The following UXS1 variants were observed in gnomAD, a reference collection of about 807,000 sequenced individuals.
UXS1 encodes the protein UDP-glucuronic acid decarboxylase 1.
Under a neutral mutation model 62.6 loss-of-function variants are expected in UXS1, and 33 were observed. That is an observed-to-expected ratio of 0.53 (90% CI 0.40 to 0.70). The LOEUF (loss-of-function observed/expected upper bound fraction) is 0.70, where lower values mean the gene tolerates loss of function less well. Among genes scored for constraint, UXS1 ranks in the 30% least tolerant of loss-of-function variants. The pLI is 0.00. For synonymous variants in UXS1, 213 were observed against 206.8 expected, an observed-to-expected ratio of 1.03 and a Z score of -0.26; for missense variants, 434 against 556.3, an observed-to-expected ratio of 0.78 and a Z score of 2.21.
chr2:106,123,959 G>A (rs147838959), intron 8 of UXS1, among the ~76,000 whole-genome samples: 2,237 of 152,314 alleles, frequency 0.015, 30 homozygotes, highest in Admixed American at 0.023. Flanking sequence ...GGTGCAGGGA[G>A]GTAAACAGAC....
At chr2:106,097,474 C>T in intron 13 of UXS1, 1 of 341,164 alleles carries the variant, frequency 2.9e-6, no homozygotes, top group South Asian at 2.3e-5. Flanking sequence ...GCAGACTCTG[C>T]AGCGAATCAC....
chr2:106,112,209 G>A lies in UXS1; in HGVS notation c.879+437C>T, dbSNP rs1254701281. ...CCTGGGTTGAGGGTGGCCAGTGGAG[G>A]ATGGTACCGAGGGCCTGCCGGCATT... On this transcript the variant is annotated intron_variant, in intron 10 of 14. Coordinates refer to ENST00000283148, the MANE Select transcript of UXS1 (RefSeq NM_001253875.2). 2.0e-5 allele frequency among the ~76,000 whole-genome samples: 3 copies of A among 152,210 alleles called. 1 individual carries two copies. The East Asian group carries it at 5.8e-4, about 29-fold the overall frequency.
rs1400470250 is a variant in UXS1 at position 106,180,048 on chromosome 2, G to T, written c.95-13965C>A. ...CACTTGAACCCAGGAGGCAGAGATT[G>T]CAGTGAGCCGAGATCACACCACTGC... On this transcript the variant is annotated intron_variant, in intron 1 of 14. Coordinates refer to ENST00000283148, the MANE Select transcript of UXS1 (RefSeq NM_001253875.2). Among the ~76,000 whole-genome samples, 3 of 152,200 alleles carry T rather than the reference G, an allele frequency of 2.0e-5. No homozygotes were observed. In the East Asian group the frequency reaches 5.8e-4, roughly 29 times the overall value.
chr2:106,180,692 A>G (rs1180049711), intron 1 of UXS1, among the ~76,000 whole-genome samples: 4 of 152,208 alleles, frequency 2.6e-5, no homozygotes, highest in African/African-American at 9.6e-5. Flanking sequence ...CTTCATCTGA[A>G]ATACCAGAGG....
intron 7 of UXS1, among the ~76,000 whole-genome samples, chr2:106,128,469 T>C (rs1304313192): frequency 6.6e-6 from 1 of 152,126 alleles, no homozygotes; most frequent in East Asian, 1.9e-4. Flanking sequence ...ATGTGTAGAC[T>C]GCGTAGAACA....
intron 12 of UXS1, among the ~76,000 whole-genome samples, chr2:106,099,625 G>A (rs1236177823): frequency 1.3e-5 from 2 of 152,140 alleles, no homozygotes; most frequent in Admixed American, 6.5e-5. Flanking sequence ...CTGTGCAAAG[G>A]CCCTCCCCAA....
intron 6 of UXS1, chr2:106,138,939 G>C: frequency 1.1e-6 from 1 of 951,806 alleles, no homozygotes; most frequent in Non-Finnish European, 1.3e-6. Flanking sequence ...AATTCTGAAG[G>C]GGAGAGAAGA....
At chr2:106,100,764 T>TGC (rs746645607) in intron 12 of UXS1, 3 of 362,400 alleles carry the variant, frequency 8.3e-6, no homozygotes, top group Non-Finnish European at 1.5e-5. Context: ...GAGAACGAGA[T>TGC]GCACACACAC....
intron 6 of UXS1, among the ~76,000 whole-genome samples, chr2:106,134,101 C>A: frequency 7.3e-5 from 1 of 13,788 alleles, no homozygotes; most frequent in African/African-American, 2.4e-4. Flanking sequence ...CACAGAAATA[C>A]AAACTACCAT....
At chr2:106,118,804 T>C (rs938758650) in intron 9 of UXS1, among the ~76,000 whole-genome samples, 4 of 152,176 alleles carry the variant, frequency 2.6e-5, no homozygotes, top group Admixed American at 6.5e-5. Flanking sequence ...CCTACATCTA[T>C]CTTGTTTATA....
intron 10 of UXS1, 124 bp from the exon 11 acceptor site, chr2:106,104,961 C>CA (rs1422870555): frequency 1.3e-5 from 15 of 1,128,002 alleles, no homozygotes; most frequent in Non-Finnish European, 2.0e-5. Flanking sequence ...GATGCTGACT[C>CA]AAAGCATCTA....
Position 106,171,171 on chromosome 2 carries a change from A to G in UXS1, c.95-5088T>C, listed in dbSNP as rs115192681. 8.4e-3 allele frequency among the ~76,000 whole-genome samples: 1,278 copies of G among 152,326 alleles called. 13 individuals carry two copies. Among genetic ancestry groups the G allele is most frequent in the African/African-American group, 0.029 (1,224 of 41,570 alleles). ...TATCCAGACTTCAAGCTATGCAGGG[A>G]ACCCAGTTCAAGAAAATCTAACTCA... On this transcript the variant is annotated intron_variant, in intron 1 of 14. Transcript: ENST00000283148.
In UXS1 at chr2:106,101,133, G is replaced by C. The variant is rs761499527; in HGVS notation, c.924-15C>G. 6.2e-7 allele frequency: 1 copy of C among 1,613,722 alleles called. No homozygotes were observed. On this transcript the variant is annotated splice_polypyrimidine_tract_variant and intron_variant, in intron 11 of 14. Coordinates refer to ENST00000283148, the MANE Select transcript of UXS1 (RefSeq NM_001253875.2). Reference sequence around the variant, plus strand: ...TCACTAGATCGCTGGAAAAAAAGGGGAGGCAGGTGAGGCTCTGCCTGCTGG... The same window carrying C: ...TCACTAGATCGCTGGAAAAAAAGGGCAGGCAGGTGAGGCTCTGCCTGCTGG...
intron 1 of UXS1, among the ~76,000 whole-genome samples, chr2:106,191,407 AG>A (rs1196255521): frequency 1.3e-5 from 2 of 152,264 alleles, no homozygotes; most frequent in African/African-American, 4.8e-5. Flanking sequence ...ATCACGGTTG[AG>A]GGACTACATT....
rs79303959 is a variant in UXS1 at position 106,122,866 on chromosome 2, C to A, written c.759+104G>T. On this transcript the variant is annotated intron_variant, in intron 9 of 14. Coordinates refer to ENST00000283148, the MANE Select transcript of UXS1 (RefSeq NM_001253875.2). The stretch of plus-strand genomic sequence containing the variant: ...AAACTGAGCTTCCCAAACACCTATC[C>A]CCAGACAAAATCAGTCATGGCATTC... 0.042 allele frequency: 62,351 copies of A among 1,485,848 alleles called. 1,520 individuals carry two copies. The highest frequency in any genetic ancestry group is 0.049 in the Non-Finnish European group (53,690 of 1,103,088). The allele number at this position is 1,485,848 out of a possible 1,614,324, so 92.0% of individuals were successfully genotyped here. A position where few individuals can be genotyped will look rare whatever the true frequency, so the allele number is the denominator to read the frequency against.
intron 12 of UXS1, 85 bp from the exon 13 acceptor site, chr2:106,098,858 G>A (rs531930321): frequency 1.5e-5 from 19 of 1,285,780 alleles, no homozygotes; most frequent in Middle Eastern, 1.8e-4. Flanking sequence ...CTGCAGAGAC[G>A]TCTACTGGCC....
At chr2:106,176,159 C>G (rs1043572043) in intron 1 of UXS1, among the ~76,000 whole-genome samples, 4 of 152,124 alleles carry the variant, frequency 2.6e-5, no homozygotes, top group Non-Finnish European at 5.9e-5. Context: ...CCTATCCCCC[C>G]ACCCCTGGCT....
rs146761063 is a variant in UXS1 at position 106,111,228 on chromosome 2, G to A, written c.879+1418C>T. Among the ~76,000 whole-genome samples the A allele has an allele frequency of 1.3e-3, 198 of 152,282 alleles. No homozygotes were observed. The Middle Eastern group carries it at 0.037, about 29-fold the overall frequency. On this transcript the variant is annotated intron_variant, in intron 10 of 14. Coordinates refer to ENST00000283148, the MANE Select transcript of UXS1 (RefSeq NM_001253875.2). ...GTCTGGATCTACCTAGGGAGGGCACGGCCATTAGGATGTGCTGGTGGATCT... is the reference window on the plus strand; with the variant it reads ...GTCTGGATCTACCTAGGGAGGGCACAGCCATTAGGATGTGCTGGTGGATCT...
intron 11 of UXS1, 72 bp from the exon 12 acceptor site, chr2:106,101,190 C>A: frequency 3.4e-6 from 5 of 1,490,836 alleles, no homozygotes; most frequent in South Asian, 2.6e-5. Context: ...ACATAGAAGC[C>A]CTCCCAGAAG....
Sources: gnomAD v4.1 joint callset for allele counts (sites outside exome capture counted in the v4.1 genomes callset) on GRCh38, gnomAD v4.1.1 for gene constraint, MANE v1.5 for transcripts, NCBI Gene and HGNC (gene_info 2026-07-23, HGNC 2026-07-21) for gene names.